VPS41: variants seen among roughly 807,000 people sequenced by gnomAD.
The protein encoded by VPS41 is vacuolar protein sorting-associated protein 41 homolog.
In VPS41, 85 loss-of-function variants were observed where a neutral mutation model predicts 130.9. The observed-to-expected ratio is 0.65, with a 90% confidence interval of 0.55 to 0.78. VPS41 has a LOEUF of 0.78. Ranked by LOEUF, VPS41 falls within the 30% of genes least tolerant of loss-of-function variation. The pLI is 0.00. For missense variants in VPS41, 874 were observed against 1,018.7 expected (o/e 0.86, Z 1.93); for synonymous variants, 335 against 332.9 (o/e 1.01, Z -0.07).
At chr7:38,739,335 A>C (rs1407482279) in intron 25 of VPS41, among the ~76,000 whole-genome samples, 1 of 152,204 alleles carries the variant, frequency 6.6e-6, no homozygotes, top group African/African-American at 2.4e-5. Context: ...TAGGGTTGCT[A>C]ATTTTTTACT....
At chr7:38,758,291 T>C in intron 18 of VPS41, 63 bp downstream of exon 18, 4 of 1,490,232 alleles carry the variant, frequency 2.7e-6, no homozygotes, top group African/African-American at 1.4e-5. Flanking sequence ...TTGCCAAATC[T>C]AAAGTATGAA....
chr7:38,742,131 A>G lies in VPS41; in HGVS notation c.2123-10T>C, dbSNP rs898131873. 15 of 1,596,762 alleles carry G rather than the reference A, an allele frequency of 9.4e-6. No homozygotes were observed. The Admixed American group carries it at 2.2e-4, about 23-fold the overall frequency. On this transcript the variant is annotated splice_polypyrimidine_tract_variant and intron_variant, in intron 24 of 28. Transcript: ENST00000310301. ...AAGCCAGTAATAAATGCTACAAAAT[A>G]CCACATAAAACAATGAACATATAAG... is the stretch of plus-strand genomic sequence containing the variant.
rs139434821 is a variant in VPS41 at position 38,763,547 on chromosome 7, C to T, written c.1330G>A (p.Ala444Thr). The change falls in exon 17 of 29, where the codon GCT becomes ACT. Residue 444 changes from alanine (A) to threonine (T), a missense_variant and splice_region_variant. Transcript: ENST00000310301. ...YKFKEIGQLK[A>T]ISPYLPRGDP... ...CCTCTTGGCAAATAAGGACTAATAG[C>T]CTAGGTAAGGAAAAGGGAAAAAAAA... 2.2e-4 allele frequency: 349 copies of T among 1,580,196 alleles called. No homozygotes were observed. Among genetic ancestry groups the T allele is most frequent in the Non-Finnish European group, 2.0e-4 (230 of 1,166,390 alleles).
intron 15 of VPS41, among the ~76,000 whole-genome samples, chr7:38,767,267 G>A (rs2115814079): frequency 6.6e-6 from 1 of 152,110 alleles, no homozygotes; most frequent in Middle Eastern, 3.4e-3. Context: ...ATCCTTCATG[G>A]TTCTTGATAC....
chr7:38,849,174 T>G (rs968532516), intron 4 of VPS41, among the ~76,000 whole-genome samples: 1 of 151,876 alleles, frequency 6.6e-6, no homozygotes, highest in Non-Finnish European at 1.5e-5. Flanking sequence ...GTGATGGGAG[T>G]GTGGCTCACT....
At chr7:38,808,767 C>A (rs942590212) in intron 7 of VPS41, among the ~76,000 whole-genome samples, 1 of 152,122 alleles carries the variant, frequency 6.6e-6, no homozygotes, top group Admixed American at 6.5e-5. Flanking sequence ...TGTCAAAACC[C>A]TTCTAGCCAC....
At chr7:38,766,316 C>G (rs1784042128) in intron 15 of VPS41, among the ~76,000 whole-genome samples, 1 of 152,172 alleles carries the variant, frequency 6.6e-6, no homozygotes, top group Non-Finnish European at 1.5e-5. Context: ...TTTATGTGTT[C>G]TGCCCACCAC....
Position 38,726,335 on chromosome 7 carries a change from G to T in VPS41, c.2485-9C>A, listed in dbSNP as rs1165780231. On this transcript the variant is annotated splice_polypyrimidine_tract_variant and intron_variant, in intron 28 of 28. Coordinates refer to ENST00000310301, the MANE Select transcript of VPS41 (RefSeq NM_014396.4). ...AACTGTGCAGCAGAGTTCTAAAAAT[G>T]CAATTTAAAAACACATATTTAAAAA... 14 of 1,603,286 alleles carry T rather than the reference G, an allele frequency of 8.7e-6. No individual in the cohort carries two copies. Among genetic ancestry groups the T allele is most frequent in the African/African-American group, 2.7e-5 (2 of 74,708 alleles).
chr7:38,832,285 G>T (rs1785401796), intron 4 of VPS41, among the ~76,000 whole-genome samples: 2 of 143,524 alleles, frequency 1.4e-5, no homozygotes, highest in African/African-American at 5.1e-5. Flanking sequence ...TTATATTTAA[G>T]TCTTTTACAT....
intron 10 of VPS41, among the ~76,000 whole-genome samples, chr7:38,785,847 A>G (rs192418242): frequency 2.6e-5 from 4 of 152,322 alleles, no homozygotes; most frequent in Admixed American, 6.5e-5. Flanking sequence ...CAGGTTCTAT[A>G]AATTATCTAA....
intron 1 of VPS41, among the ~76,000 whole-genome samples, chr7:38,907,793 G>GT (rs1787300578): frequency 6.6e-6 from 1 of 152,014 alleles, no homozygotes; most frequent in Admixed American, 6.6e-5. Context: ...ATGAAACTCA[G>GT]TTTTTTGCTT....
At chr7:38,763,976 T>A (rs905479999) in intron 16 of VPS41, among the ~76,000 whole-genome samples, 1 of 152,140 alleles carries the variant, frequency 6.6e-6, no homozygotes, top group Non-Finnish European at 1.5e-5. Flanking sequence ...GAAAAATACA[T>A]CTTGTGTTCT....
intron 5 of VPS41, among the ~76,000 whole-genome samples, chr7:38,828,711 T>C (rs188689613): frequency 6.6e-6 from 1 of 152,292 alleles, no homozygotes; most frequent in East Asian, 1.9e-4. Context: ...GGGAAGATTA[T>C]TTCCAAAAAT....
intron 25 of VPS41, among the ~76,000 whole-genome samples, chr7:38,729,120 C>T (rs560270980): frequency 6.6e-6 from 1 of 152,314 alleles, no homozygotes; most frequent in East Asian, 1.9e-4. Flanking sequence ...CTTTAGAGGG[C>T]TTCCTTATAC....
At position 38,754,655 on chromosome 7, in the gene VPS41, C is replaced by G. The variant is rs376595981; in HGVS notation, c.1788+47G>C. Reference sequence around the variant, plus strand: ...CGCACCAATACTGAAAGGTGATTCACCCACTGGTCAATCAAAAGGGCAAAA... The same window carrying G: ...CGCACCAATACTGAAAGGTGATTCAGCCACTGGTCAATCAAAAGGGCAAAA... On this transcript the variant is annotated intron_variant, in intron 21 of 28. Coordinates refer to ENST00000310301, the MANE Select transcript of VPS41 (RefSeq NM_014396.4). The G allele has an allele frequency of 1.5e-5, 22 of 1,512,506 alleles. No individual in the cohort carries two copies. The African/African-American group carries it at 2.7e-4, about 19-fold the overall frequency. The allele number at this position is 1,512,506 out of a possible 1,614,324, so 93.7% of individuals were successfully genotyped here.
chr7:38,871,750 A>G (rs562604082), intron 2 of VPS41, among the ~76,000 whole-genome samples: 1 of 152,342 alleles, frequency 6.6e-6, no homozygotes, highest in African/African-American at 2.4e-5. Flanking sequence ...ATGTTTTAAA[A>G]TATGTTTATT....
At chr7:38,738,928 C>T (rs1795826754) in intron 25 of VPS41, among the ~76,000 whole-genome samples, 1 of 152,212 alleles carries the variant, frequency 6.6e-6, no homozygotes, top group South Asian at 2.1e-4. Context: ...ATGATGCTAA[C>T]CTTCGGTTGA....
intron 2 of VPS41, among the ~76,000 whole-genome samples, chr7:38,871,481 CA>C (rs1186865237): frequency 6.6e-6 from 1 of 152,182 alleles, no homozygotes; most frequent in African/African-American, 2.4e-5. Context: ...AAAAAACAAA[CA>C]AACCCTACTG....
intron 4 of VPS41, among the ~76,000 whole-genome samples, chr7:38,837,485 C>A (rs1785519047): frequency 6.6e-6 from 1 of 152,214 alleles, no homozygotes; most frequent in Non-Finnish European, 1.5e-5. Flanking sequence ...CCATCCCATG[C>A]TGTAGCCTGT....
Sources: allele counts gnomAD v4.1 joint callset (sites outside exome capture counted in the v4.1 genomes callset), GRCh38; gene constraint gnomAD v4.1.1; transcripts MANE v1.5; gene names NCBI Gene and HGNC (gene_info 2026-07-23, HGNC 2026-07-21).